The following SAMD12 variants were observed in gnomAD, a reference collection of about 807,000 sequenced individuals.
SAMD12 encodes the protein sterile alpha motif domain containing 12.
In SAMD12, 9 loss-of-function variants were observed where a neutral mutation model predicts 15.0. That is an observed-to-expected ratio of 0.60 (90% CI 0.36 to 1.05). SAMD12 has a LOEUF of 1.05. SAMD12 is among the 50% of genes least tolerant of loss of function. SAMD12 has a pLI of 0.01. For missense variants in SAMD12, 230 were observed against 234.2 expected, an observed-to-expected ratio of 0.98 and a Z score of 0.12; for synonymous variants, 86 against 90.1, an observed-to-expected ratio of 0.96 and a Z score of 0.25.
intron 4 of SAMD12, among the ~76,000 whole-genome samples, chr8:118,304,096 C>T (rs1415831887): frequency 1.3e-5 from 2 of 152,196 alleles, no homozygotes; most frequent in African/African-American, 4.8e-5. Context: ...GTTCTCCGCT[C>T]TTCTCCTATT....
In SAMD12 at chr8:118,369,155, C is replaced by G. The variant is rs533648171; in HGVS notation, c.433+10405G>C. Among the ~76,000 whole-genome samples the G allele has an allele frequency of 2.0e-5, 3 of 152,270 alleles. No homozygotes were observed. The East Asian group carries it at 5.8e-4, about 29-fold the overall frequency. ...AATAATGGATACTATGTGATGAATA[C>G]AGTATTATTAGTCTGAACAAAGTGC... On this transcript the variant is annotated intron_variant, in intron 4 of 4. Transcript: ENST00000409003.
intron 4 of SAMD12, among the ~76,000 whole-genome samples, chr8:118,345,798 G>T (rs1817606226): frequency 6.6e-6 from 1 of 152,194 alleles, no homozygotes. Flanking sequence ...ACAAAGTAGG[G>T]GAGTAAAGTG....
intron 4 of SAMD12, among the ~76,000 whole-genome samples, chr8:118,249,724 A>C (rs1369211416): frequency 3.9e-5 from 6 of 152,168 alleles, no homozygotes; most frequent in African/African-American, 1.4e-4. Flanking sequence ...ATTCCTGTGT[A>C]TTGTCTGTAA....
chr8:118,621,932 G>GACC lies in SAMD12; in HGVS notation c.-119_-117dup. On this transcript the variant is annotated 5_prime_UTR_variant, in exon 1 of 4. Coordinates refer to ENST00000314727, the MANE Select transcript of SAMD12 (RefSeq NM_207506.3). ...AATATTCTGCGCTTATCTGCTCCAGGACCAACCTGCCGCGGTCACGCAAAG... is the reference window on the plus strand; with the variant it reads ...AATATTCTGCGCTTATCTGCTCCAGGACCACCAACCTGCCGCGGTCACGCAAAG... 7.9e-7 allele frequency: 1 copy of GACC among 1,258,360 alleles called. No homozygotes were observed. The highest frequency in any genetic ancestry group is 1.2e-6 in the Non-Finnish European group (1 of 857,990). The allele number at this position is 1,258,360 out of a possible 1,614,324, so 77.9% of individuals were successfully genotyped here.
At chr8:118,319,690 T>C (rs1206758762) in intron 4 of SAMD12, among the ~76,000 whole-genome samples, 2 of 152,252 alleles carry the variant, frequency 1.3e-5, no homozygotes, top group East Asian at 3.9e-4. Context: ...GGAAGAGCTA[T>C]GTGTTCAGCA....
At chr8:118,312,713 C>A (rs578013530) in intron 4 of SAMD12, among the ~76,000 whole-genome samples, 3 of 151,656 alleles carry the variant, frequency 2.0e-5, no homozygotes, top group Non-Finnish European at 4.4e-5. Flanking sequence ...ATACAACAAC[C>A]TTTTGGATAA....
At chr8:118,498,517 A>G (rs962060148) in intron 2 of SAMD12, among the ~76,000 whole-genome samples, 1 of 152,220 alleles carries the variant, frequency 6.6e-6, no homozygotes, top group Non-Finnish European at 1.5e-5. Flanking sequence ...AATTTCTAAT[A>G]ATGTCACGAC....
chr8:118,449,821 C>CA (rs1318741247), intron 2 of SAMD12, among the ~76,000 whole-genome samples: 30 of 116,634 alleles, frequency 2.6e-4, no homozygotes, highest in South Asian at 1.1e-3. Context: ...AAAAAAACAA[C>CA]AAAAAAAAAG....
intron 1 of SAMD12, among the ~76,000 whole-genome samples, chr8:118,603,494 T>C (rs951609615): frequency 1.3e-5 from 2 of 152,196 alleles, no homozygotes; most frequent in African/African-American, 2.4e-5. Flanking sequence ...AAAGATACTT[T>C]CCAACTTTCA....
At chr8:118,505,209 T>C (rs1824889562) in intron 2 of SAMD12, among the ~76,000 whole-genome samples, 2 of 152,236 alleles carry the variant, frequency 1.3e-5, no homozygotes, top group South Asian at 4.1e-4. Flanking sequence ...GATTGGGTTT[T>C]CGTAAGCAAG....
the SAMD12 span, among the ~76,000 whole-genome samples, chr8:118,151,025 G>A: frequency 1.3e-5 from 2 of 151,906 alleles, no homozygotes; most frequent in Non-Finnish European, 2.9e-5. Context: ...GCAACATAGT[G>A]AGACCCATCT....
At chr8:118,247,744 C>T (rs1023133128) in intron 4 of SAMD12, among the ~76,000 whole-genome samples, 6 of 152,140 alleles carry the variant, frequency 3.9e-5, no homozygotes, top group African/African-American at 1.4e-4. Flanking sequence ...AGGCACGCAC[C>T]ACCACTCCTG....
intron 4 of SAMD12, among the ~76,000 whole-genome samples, chr8:118,318,310 GTATATATATATA>G (rs55959055): frequency 0.12 from 13,198 of 112,482 alleles, 787 homozygotes; most frequent in South Asian, 0.22. Context: ...AGATATATGT[GTATATATATATA>G]TATATATATA....
At chr8:118,551,713 C>G (rs1330987559) in intron 2 of SAMD12, among the ~76,000 whole-genome samples, 1 of 149,408 alleles carries the variant, frequency 6.7e-6, no homozygotes, top group Non-Finnish European at 1.5e-5. Flanking sequence ...ACAAAAAACC[C>G]TTCAAAAAAT....
intron 4 of SAMD12, among the ~76,000 whole-genome samples, chr8:118,311,468 C>T (rs1329710912): frequency 6.6e-6 from 1 of 152,208 alleles, no homozygotes; most frequent in African/African-American, 2.4e-5. Context: ...AAGCACGAAA[C>T]ACTTACTATC....
chr8:118,158,223 C>T, the SAMD12 span, among the ~76,000 whole-genome samples: 8 of 152,190 alleles, frequency 5.3e-5, no homozygotes, highest in Non-Finnish European at 8.8e-5. Flanking sequence ...TTACCTAATG[C>T]GAGAAAAACA....
chr8:118,155,212 T>C, the SAMD12 span, among the ~76,000 whole-genome samples: 1 of 152,200 alleles, frequency 6.6e-6, no homozygotes, highest in Non-Finnish European at 1.5e-5. Context: ...TTAATCTTTT[T>C]TCTTATTTCT....
chr8:118,432,667 G>C (rs1822450723), intron 3 of SAMD12, among the ~76,000 whole-genome samples: 1 of 152,202 alleles, frequency 6.6e-6, no homozygotes, highest in South Asian at 2.1e-4. Context: ...AACTAAGGAG[G>C]GCTTTCTATA....
At chr8:118,141,966 G>A in the SAMD12 span, among the ~76,000 whole-genome samples, 1 of 152,238 alleles carries the variant, frequency 6.6e-6, no homozygotes, top group Non-Finnish European at 1.5e-5. Flanking sequence ...AAAGGCATAT[G>A]TTCTAGGATT....
Sources: allele counts gnomAD v4.1 joint callset (sites outside exome capture counted in the v4.1 genomes callset), GRCh38; gene constraint gnomAD v4.1.1; transcripts MANE v1.5; gene names NCBI Gene and HGNC (gene_info 2026-07-23, HGNC 2026-07-21).